The following TBX3 variants were observed in gnomAD, a reference collection of about 807,000 sequenced individuals.
TBX3 encodes the protein T-box transcription factor 3, also known as T-box transcription factor TBX3.
TBX3 carries 11 observed loss-of-function variants against 47.8 expected under a neutral mutation model. The ratio of observed to expected loss-of-function variants is 0.23; its 90% CI spans 0.14 to 0.38. TBX3 has a LOEUF of 0.38. Ranked by LOEUF, TBX3 falls within the 10% of genes least tolerant of loss-of-function variation. The pLI is 1.00. For missense variants in TBX3, 927 were observed against 1,022.8 expected (o/e 0.91, Z 1.28); for synonymous variants, 500 against 449.3 (o/e 1.11, Z -1.43).
At position 114,670,382 on chromosome 12, in the gene TBX3, A is replaced by C. The variant is rs1470155425; in HGVS notation, c.*1459T>G. The C allele has an allele frequency of 4.5e-6, 1 of 222,664 alleles. No homozygotes were observed. Among genetic ancestry groups the C allele is most frequent in the Non-Finnish European group, 9.0e-6 (1 of 111,442 alleles). 13.8% of individuals were successfully genotyped at this position (222,664 alleles called of 1,614,324 possible). A position where few individuals can be genotyped will look rare whatever the true frequency, so the allele number is the denominator to read the frequency against. On this transcript the variant is annotated 3_prime_UTR_variant, in exon 7 of 7. Transcript: ENST00000349155. ...ACCTTCATGAATTTGTCTTTAAACC[A>C]TCTCTCAGCACCTGACTTTTGAACT...
intron 6 of TBX3, among the ~76,000 whole-genome samples, chr12:114,673,467 C>T (rs1268763971): frequency 6.6e-6 from 1 of 152,222 alleles, no homozygotes; most frequent in East Asian, 1.9e-4. Context: ...TGACATTTCC[C>T]ACGTGTGCAC....
chr12:114,679,133 T>G (rs943300859), intron 3 of TBX3, among the ~76,000 whole-genome samples: 3 of 152,134 alleles, frequency 2.0e-5, no homozygotes, highest in Non-Finnish European at 2.9e-5. Context: ...CCTTAAATTT[T>G]TAGCTGGTTC....
chr12:114,674,604 G>A lies in TBX3; in HGVS notation c.1271C>T (p.Ser424Phe), dbSNP rs1450439762. ...DSRHSPATISSSTRGLGAEER... is the reference protein window; with the variant it reads ...DSRHSPATISFSTRGLGAEER... ...CTCCGCGCCCAGGCCGCGAGTGCTG[G>A]ACGAGATGGTGGCGGGGCTATGGCG... Residue 424 changes from serine (S) to phenylalanine (F), a missense_variant, in exon 6 of 7, where the codon TCC becomes TTC. Coordinates refer to ENST00000349155, the MANE Select transcript of TBX3 (RefSeq NM_005996.4). 6.9e-6 allele frequency: 11 copies of A among 1,599,950 alleles called. No homozygotes were observed. Among genetic ancestry groups the A allele is most frequent in the Non-Finnish European group, 8.5e-6 (10 of 1,174,898 alleles).
rs1195142230 is a variant in TBX3 at position 114,671,919 on chromosome 12, G to A, written c.2094C>T (p.Thr698=). The A allele has an allele frequency of 6.3e-7, 1 of 1,586,554 alleles. No individual in the cohort carries two copies. The part of the protein sequence containing the change: ...PKLCAEKEAA[T]SELQSIQRLV... Reference sequence around the variant, plus strand: ...ACCGCTGGATGCTCTGCAGTTCGCTGGTGGCCGCCTCTTTCTCCGCGCAGA... The same window carrying A: ...ACCGCTGGATGCTCTGCAGTTCGCTAGTGGCCGCCTCTTTCTCCGCGCAGA... The change falls in exon 7 of 7, where the codon ACC becomes ACT. Residue 698 remains threonine, a synonymous_variant. Coordinates refer to ENST00000349155, the MANE Select transcript of TBX3 (RefSeq NM_005996.4).
At chr12:114,679,786 T>C in intron 2 of TBX3, 135 bp from the exon 3 acceptor site, 1 of 1,530,718 alleles carries the variant, frequency 6.5e-7, no homozygotes, top group Non-Finnish European at 9.0e-7. Context: ...CTCCTTGGAG[T>C]ACCCCCTGGG....
In TBX3 at chr12:114,674,728, G is replaced by A. The variant is rs1438265315; in HGVS notation, c.1147C>T (p.Pro383Ser). The change falls in exon 6 of 7, where the codon CCC becomes TCC. Residue 383 changes from proline to serine, a missense_variant. Physicochemically the swap from Pro to Ser is moderately conservative, Grantham distance 74 (BLOSUM62 -1). Transcript: ENST00000349155. ...GCGGGGCTGCCCTTGTCACGGCAGG[G>A]CTCCTCCGACGTGGTGGTGGAGATC... is the stretch of plus-strand genomic sequence containing the variant. ...AKISTTTSEE[P>S]CRDKGSPAVK... The A allele has an allele frequency of 6.3e-7, 1 of 1,599,034 alleles. No individual in the cohort carries two copies. The highest frequency in any genetic ancestry group is 8.5e-7 in the Non-Finnish European group (1 of 1,176,654).
At chr12:114,673,022 G>T (rs1304044743) in intron 6 of TBX3, among the ~76,000 whole-genome samples, 1 of 152,230 alleles carries the variant, frequency 6.6e-6, no homozygotes, top group Non-Finnish European at 1.5e-5. Context: ...GCACTAAGCT[G>T]GGAATTGGCA....
chr12:114,679,477 A>G (rs760823147), intron 3 of TBX3, 28 bp downstream of exon 3: 12 of 1,614,140 alleles, frequency 7.4e-6, no homozygotes, highest in Middle Eastern at 3.3e-4. Flanking sequence ...AAATATCACC[A>G]TTAAAAAGGA....
Position 114,671,933 on chromosome 12 carries a change from T to G in TBX3, c.2080A>C (p.Lys694Gln). The change falls in exon 7 of 7, where the codon AAA becomes CAA. Residue 694 changes from lysine (K) to glutamine (Q), a missense_variant. Around this residue, in one of 5 missense-constraint regions of TBX3, gnomAD observed 623 missense variants for 569.0 expected, o/e 1.09. Coordinates refer to ENST00000349155, the MANE Select transcript of TBX3 (RefSeq NM_005996.4). ...MSLSPKLCAE[K>Q]EAATSELQSI... ...TGCAGTTCGCTGGTGGCCGCCTCTT[T>G]CTCCGCGCAGAGTTTGGGCGACAAG... is the stretch of plus-strand genomic sequence containing the variant. 6.3e-7 allele frequency: 1 copy of G among 1,591,906 alleles called. No individual in the cohort carries two copies. The highest frequency in any genetic ancestry group is 8.6e-7 in the Non-Finnish European group (1 of 1,169,336).
rs11067230 is a variant in TBX3 at position 114,672,448 on chromosome 12, G to T, written c.1711-146C>A. On this transcript the variant is annotated intron_variant, in intron 6 of 6. Transcript: ENST00000349155. The stretch of plus-strand genomic sequence containing the variant: ...TTGTTGTTGTTGTGTTTTTTTTTTT[G>T]GGGGGGGAGATAGGTGGGGGCAGGA... The T allele has an allele frequency of 0.013, 8,144 of 612,054 alleles. 120 individuals carry two copies. The highest frequency in any genetic ancestry group is 0.018 in the South Asian group (631 of 35,826). 37.9% of individuals were successfully genotyped at this position (612,054 alleles called of 1,614,324 possible).
At position 114,683,624 on chromosome 12, in the gene TBX3, T is replaced by C. The variant is rs1869049971; in HGVS notation, c.-424A>G. The stretch of plus-strand genomic sequence containing the variant: ...AATCTCTCTCCAGCCCCTAGGTCTT[T>C]TGTTGCAAATGTGAAAGGTTCTCCT... On this transcript the variant is annotated 5_prime_UTR_variant, in exon 1 of 7. Transcript: ENST00000349155. The surrounding 1 kb of genome is among the most constrained non-coding windows in gnomAD (Gnocchi z 7.7). 1.7e-5 allele frequency: 4 copies of C among 239,432 alleles called. No homozygotes were observed. The South Asian group carries it at 6.5e-4, about 39-fold the overall frequency. The allele number at this position is 239,432 out of a possible 1,614,324, so 14.8% of individuals were successfully genotyped here. A position where few individuals can be genotyped will look rare whatever the true frequency, so the allele number is the denominator to read the frequency against.
chr12:114,674,983 G>A (rs958039341), intron 5 of TBX3, 148 bp from the exon 6 acceptor site: 1 of 1,037,226 alleles, frequency 9.6e-7, no homozygotes, highest in South Asian at 1.4e-5. Context: ...CTGCACCTCA[G>A]TGTTGTCATC....
rs1418098778 is a variant in TBX3, at chr12:114,679,578, G to A, written c.731C>T (p.Pro244Leu). ...CAAGTATGTCCGAAATGTACTATAAGGGAGTTTCAAGATGTCATTGGCTCT... is the reference window on the plus strand; with the variant it reads ...CAAGTATGTCCGAAATGTACTATAAAGGAGTTTCAAGATGTCATTGGCTCT... ...IVRANDILKL[P>L]YSTFRTYLFP... The change falls in exon 3 of 7, where the codon CCT (proline) becomes CTT (leucine). Residue 244 changes from proline to leucine, a missense_variant. Transcript: ENST00000349155. 2 of 1,614,088 alleles carry A rather than the reference G, an allele frequency of 1.2e-6. No individual in the cohort carries two copies. The highest frequency in any genetic ancestry group is 3.3e-5 in the Admixed American group (2 of 60,010).
rs764892233 is a variant in TBX3 at position 114,679,616 on chromosome 12, C to T, written c.693G>A (p.Arg231=). Residue 231 remains arginine, a synonymous_variant, in exon 3 of 7, where the codon CGG becomes CGA. Coordinates refer to ENST00000349155, the MANE Select transcript of TBX3 (RefSeq NM_005996.4). ...ILNSMHKYQP[R]FHIVRANDIL... is the part of the protein sequence containing the mutation. ...TGTCATTGGCTCTTACAATGTGGAACCGGGGCTGGTATTTGTGCATGGAGT... is the reference window on the plus strand; with the variant it reads ...TGTCATTGGCTCTTACAATGTGGAATCGGGGCTGGTATTTGTGCATGGAGT... 6.2e-7 allele frequency: 1 copy of T among 1,614,080 alleles called. No homozygotes were observed. Among genetic ancestry groups the T allele is most frequent in the Non-Finnish European group, 8.5e-7 (1 of 1,180,020 alleles).
intron 1 of TBX3, among the ~76,000 whole-genome samples, chr12:114,681,837 G>A (rs1868941182): frequency 1.3e-5 from 2 of 152,202 alleles, no homozygotes; most frequent in Non-Finnish European, 2.9e-5. Context: ...AGAAGGGTTG[G>A]CATTCTGTAG....
Position 114,672,009 on chromosome 12 carries a change from C to T in TBX3, c.2004G>A (p.Ser668=), listed in dbSNP as rs139599654. 65 of 1,597,084 alleles carry T rather than the reference C, an allele frequency of 4.1e-5. No homozygotes were observed. Among genetic ancestry groups the T allele is most frequent in the Middle Eastern group, 1.6e-4 (1 of 6,064 alleles). ...AGGAGCGGCTGTTGAGTTCAGAGCC[C>T]GAGTCCACTGCCACCGAGGCCGGGC... The part of the protein sequence containing the change: ...AASPASVAVD[S]GSELNSRSST... The change falls in exon 7 of 7, where the codon TCG becomes TCA. Residue 668 remains serine, a synonymous_variant. Transcript: ENST00000349155.
At chr12:114,677,474 C>T (rs1868759028) in intron 4 of TBX3, 106 bp downstream of exon 4, 3 of 1,101,680 alleles carry the variant, frequency 2.7e-6, no homozygotes, top group Non-Finnish European at 4.1e-6. Flanking sequence ...ATGATTTCCA[C>T]CCGCTCTTAG....
Position 114,683,397 on chromosome 12 carries a change from G to A in TBX3, c.-197C>T, listed in dbSNP as rs1869037473. The stretch of plus-strand genomic sequence containing the variant: ...AAGGGAGGAGGGGAAGTGTCTTTTG[G>A]AGAATGGGAGGCCGCTTTTAAAGAG... On this transcript the variant is annotated 5_prime_UTR_variant, in exon 1 of 7. Coordinates refer to ENST00000349155, the MANE Select transcript of TBX3 (RefSeq NM_005996.4). The surrounding 1 kb of genome is among the most constrained non-coding windows in gnomAD (Gnocchi z 7.7). 2.5e-5 allele frequency: 18 copies of A among 728,022 alleles called. 1 individual carries two copies. In the South Asian group the frequency reaches 3.4e-4, roughly 14 times the overall value. The allele number at this position is 728,022 out of a possible 1,614,324, so 45.1% of individuals were successfully genotyped here.
intron 6 of TBX3, 99 bp downstream of exon 6, chr12:114,674,066 T>C: frequency 1.4e-6 from 2 of 1,454,622 alleles, no homozygotes; most frequent in East Asian, 4.9e-5. Context: ...TTATTACAGC[T>C]ACTAGGCCAA....
Sources: allele counts gnomAD v4.1 joint callset (sites outside exome capture counted in the v4.1 genomes callset), GRCh38; gene constraint gnomAD v4.1.1; regional missense constraint gnomAD v4.1.1; non-coding constraint Gnocchi (gnomAD v3.1); transcripts MANE v1.5; gene names NCBI Gene and HGNC (gene_info 2026-07-23, HGNC 2026-07-21).